SLC13A1: variants seen among roughly 807,000 people sequenced by gnomAD.
SLC13A1 encodes solute carrier family 13 member 1, also known as Na(+)/sulfate cotransporter.
SLC13A1 carries 65 observed loss-of-function variants against 70.0 expected under a neutral mutation model. The ratio of observed to expected loss-of-function variants is 0.93; its 90% confidence interval spans 0.76 to 1.14. The LOEUF is 1.14. Among genes scored for constraint, SLC13A1 ranks in the 50% most tolerant of loss-of-function variants. The probability of loss-of-function intolerance (pLI) is 0.00; values close to 1 mark genes in which losing one functional copy is unlikely to be tolerated. For missense variants in SLC13A1, 726 were observed against 717.8 expected (o/e 1.01, Z -0.13); for synonymous variants, 275 against 250.5 (o/e 1.10, Z -0.92).
intron 8 of SLC13A1, 127 bp downstream of exon 8, chr7:123,134,283 T>C (rs1038663027): frequency 1.2e-5 from 9 of 756,994 alleles, no homozygotes; most frequent in Non-Finnish European, 1.1e-5. Flanking sequence ...TGTGTATTAA[T>C]TTTGTGAGCA....
intron 7 of SLC13A1, among the ~76,000 whole-genome samples, chr7:123,141,536 AG>A (rs1794144435): frequency 6.6e-6 from 1 of 151,702 alleles, no homozygotes; most frequent in African/African-American, 2.4e-5. Context: ...TATTGTATTG[AG>A]GTCTCTTTCT....
chr7:123,155,344 C>T (rs1794675389), intron 6 of SLC13A1, among the ~76,000 whole-genome samples: 1 of 151,366 alleles, frequency 6.6e-6, no homozygotes, highest in African/African-American at 2.4e-5. Context: ...TACATTTATA[C>T]TTTATTTTAT....
chr7:123,156,504 A>G (rs1258424294), intron 6 of SLC13A1, among the ~76,000 whole-genome samples: 2 of 152,120 alleles, frequency 1.3e-5, no homozygotes, highest in African/African-American at 4.8e-5. Flanking sequence ...TGGAAGTTCC[A>G]TAGTGCACAG....
At chr7:123,186,432 A>G (rs559250681) in intron 1 of SLC13A1, among the ~76,000 whole-genome samples, 4 of 152,258 alleles carry the variant, frequency 2.6e-5, no homozygotes, top group Non-Finnish European at 1.5e-5. Context: ...TTTTGTCACT[A>G]GAAACTCATA....
At chr7:123,185,678 T>C (rs1795774746) in intron 1 of SLC13A1, among the ~76,000 whole-genome samples, 1 of 152,154 alleles carries the variant, frequency 6.6e-6, no homozygotes, top group Admixed American at 6.6e-5. Flanking sequence ...TTTTGGTTCC[T>C]ATAGCTTTGT....
At chr7:123,162,752 C>A (rs1007855977) in intron 6 of SLC13A1, among the ~76,000 whole-genome samples, 2 of 152,012 alleles carry the variant, frequency 1.3e-5, no homozygotes, top group African/African-American at 2.4e-5. Flanking sequence ...ACTGTACTTA[C>A]AAGACTCCTT....
In SLC13A1 at chr7:123,149,098, C is replaced by T. The variant is rs963899630; in HGVS notation, c.661-1788G>A. On this transcript the variant is annotated intron_variant, in intron 6 of 14. Transcript: ENST00000194130. ...GTAACACACATCTTCTGCCTGGTGA[C>T]GTATGACACACTCATGGTGTCTGCA... Among the ~76,000 whole-genome samples the T allele has an allele frequency of 9.2e-5, 14 of 152,074 alleles. 1 individual carries two copies. Among genetic ancestry groups the T allele is most frequent in the Admixed American group, 7.9e-4 (12 of 15,258 alleles).
At chr7:123,157,757 T>A (rs902238771) in intron 6 of SLC13A1, among the ~76,000 whole-genome samples, 2 of 152,170 alleles carry the variant, frequency 1.3e-5, no homozygotes, top group Non-Finnish European at 2.9e-5. Flanking sequence ...AGTGCAACAA[T>A]CATTTTAAAG....
chr7:123,191,316 G>A (rs1050475696), intron 1 of SLC13A1, among the ~76,000 whole-genome samples: 14 of 152,114 alleles, frequency 9.2e-5, no homozygotes, highest in African/African-American at 2.7e-4. Flanking sequence ...AGCTCTTTCT[G>A]TCCTTCACAG....
chr7:123,157,058 T>C (rs1794737059), intron 6 of SLC13A1, among the ~76,000 whole-genome samples: 1 of 152,094 alleles, frequency 6.6e-6, no homozygotes, highest in South Asian at 2.1e-4. Flanking sequence ...TCAGTATCAC[T>C]CTGCAACGTT....
Position 123,123,135 on chromosome 7 carries a change from A to C in SLC13A1, c.1341T>G (p.Asp447Glu). ...ACACACAGAGTATTACCTCACAACC[A>C]TCTGCCAGGGCAAACCCTCCACCAA... Reference protein sequence around the residue: ...ILVGGGFALADGCEESGLSKW... With the variant: ...ILVGGGFALAEGCEESGLSKW... The change falls in exon 12 of 15, where the codon GAT (aspartate) becomes GAG (glutamate). Residue 447 changes from aspartate (D) to glutamate (E), a missense_variant. Asp to Glu is a conservative substitution (Grantham distance 45). Coordinates refer to ENST00000194130, the MANE Select transcript of SLC13A1 (RefSeq NM_022444.4). The C allele has an allele frequency of 6.2e-7, 1 of 1,610,590 alleles. No homozygotes were observed. The highest frequency in any genetic ancestry group is 1.1e-5 in the South Asian group (1 of 90,994).
Position 123,178,033 on chromosome 7 carries a change from C to CTCTCTATA in SLC13A1, c.228+2939_228+2940insTATAGAGA, listed in dbSNP as rs761704605. Among the ~76,000 whole-genome samples the CTCTCTATA allele has an allele frequency of 7.9e-3, 1,190 of 150,012 alleles. 8 individuals are homozygous for CTCTCTATA. The highest frequency in any genetic ancestry group is 0.018 in the African/African-American group (716 of 40,712). On this transcript the variant is annotated intron_variant, in intron 2 of 14. Transcript: ENST00000194130. The stretch of plus-strand genomic sequence containing the variant: ...TCTCTCTCTTTCTCTCTCTCTCTCT[C>CTCTCTATA]TATATATATATATATATCTCCATAC...
At chr7:123,191,537 C>CT (rs1266827478) in intron 1 of SLC13A1, among the ~76,000 whole-genome samples, 2 of 152,086 alleles carry the variant, frequency 1.3e-5, no homozygotes, top group Non-Finnish European at 2.9e-5. Context: ...TGTCTAAAAC[C>CT]TCATCTAGAC....
Position 123,181,233 on chromosome 7 carries a change from T to C in SLC13A1, c.100-132A>G. On this transcript the variant is annotated intron_variant, in intron 1 of 14. Transcript: ENST00000194130. ...GAAGATCTGAAGACCTCTGCATCTT[T>C]GAGTTGCCCTCAAATACTCATTTCT... 5 of 857,552 alleles carry C rather than the reference T, an allele frequency of 5.8e-6. No individual in the cohort carries two copies. In the South Asian group the frequency reaches 1.0e-4, roughly 17 times the overall value. 53.1% of individuals were successfully genotyped at this position (857,552 alleles called of 1,614,324 possible).
At chr7:123,118,856 G>A (rs950797738) in intron 13 of SLC13A1, among the ~76,000 whole-genome samples, 2 of 152,044 alleles carry the variant, frequency 1.3e-5, no homozygotes, top group Non-Finnish European at 2.9e-5. Flanking sequence ...GAAAAAGTAA[G>A]TTGTTCACTT....
chr7:123,187,992 A>T (rs1433276764), intron 1 of SLC13A1, among the ~76,000 whole-genome samples: 1 of 152,094 alleles, frequency 6.6e-6, no homozygotes, highest in African/African-American at 2.4e-5. Context: ...ACTTTACTAG[A>T]TATTGCCCAT....
chr7:123,186,850 C>A, intron 1 of SLC13A1: 1 of 420,150 alleles, frequency 2.4e-6, no homozygotes, highest in Non-Finnish European at 4.8e-6. Flanking sequence ...ATAATGTGTA[C>A]TTTTATCTTG....
chr7:123,198,296 G>A (rs913936405), intron 1 of SLC13A1, among the ~76,000 whole-genome samples: 2 of 151,640 alleles, frequency 1.3e-5, no homozygotes, highest in African/African-American at 2.4e-5. Flanking sequence ...ACAAGGAGCC[G>A]GGGTGGGAGT....
intron 7 of SLC13A1, among the ~76,000 whole-genome samples, chr7:123,145,338 G>T (rs181011186): frequency 6.6e-6 from 1 of 152,116 alleles, no homozygotes; most frequent in Non-Finnish European, 1.5e-5. Context: ...AAACTCTGCC[G>T]TGTCAAAATT....
Sources: gnomAD v4.1 joint callset for allele counts (sites outside exome capture counted in the v4.1 genomes callset) on GRCh38, gnomAD v4.1.1 for gene constraint, MANE v1.5 for transcripts, NCBI Gene and HGNC (gene_info 2026-07-23, HGNC 2026-07-21) for gene names.